SLC9A3: variants seen among roughly 807,000 people sequenced by gnomAD.
SLC9A3 encodes solute carrier family 9 member A3, also known as sodium/hydrogen exchanger 3.
Under a neutral mutation model 86.8 loss-of-function variants are expected in SLC9A3, and 37 were observed. The ratio of observed to expected loss-of-function variants is 0.43; its 90% CI spans 0.33 to 0.56. The LOEUF is 0.56. SLC9A3 is among the 20% of genes least tolerant of loss of function. The pLI, the probability that SLC9A3 is intolerant of heterozygous loss-of-function variation, is 0.06. For missense variants in SLC9A3, 1,011 were observed against 1,171.9 expected (o/e 0.86, Z 2.00); for synonymous variants, 581 against 528.3 (o/e 1.10, Z -1.37).
intron 11 of SLC9A3, chr5:477,048 G>A (rs1235309702): frequency 5.8e-6 from 3 of 513,528 alleles, no homozygotes; most frequent in African/African-American, 3.8e-5. Context: ...AGTAAGGGTG[G>A]CATGGGGACC....
chr5:522,431 G>A (rs1186773753), intron 1 of SLC9A3, among the ~76,000 whole-genome samples: 1 of 152,214 alleles, frequency 6.6e-6, no homozygotes, highest in Admixed American at 6.5e-5. Context: ...CTGTACACTG[G>A]GCTAAACTGG....
rs59745929 is a variant in SLC9A3, at chr5:518,602, A to G, written c.211+5510T>C. On this transcript the variant is annotated intron_variant, in intron 1 of 16. Transcript: ENST00000264938. ...GTGGGACTCAGCCCAGACGCTGGGC[A>G]GATGATGTGCAGGATGGGAACCCCA... 1.1e-3 allele frequency among the ~76,000 whole-genome samples: 173 copies of G among 152,326 alleles called. 1 individual carries two copies. The highest frequency in any genetic ancestry group is 4.1e-3 in the African/African-American group (170 of 41,564).
At chr5:493,685 TG>T (rs1320219869) in intron 1 of SLC9A3, among the ~76,000 whole-genome samples, 11 of 152,250 alleles carry the variant, frequency 7.2e-5, no homozygotes. Flanking sequence ...ACAGCGGCTC[TG>T]CCTGCTGCTC....
Position 491,320 on chromosome 5 carries a change from A to G in SLC9A3, c.514+449T>C, listed in dbSNP as rs1199719784. ...GTGCCCGAGAGATGAAGCATCCAAG[A>G]CCAAAACCGCGCAGCAGTTCTGGCT... On this transcript the variant is annotated intron_variant, in intron 2 of 16. Coordinates refer to ENST00000264938, the MANE Select transcript of SLC9A3 (RefSeq NM_004174.4). The surrounding 1 kb of genome is among the most constrained non-coding windows in gnomAD (Gnocchi z 9.2). 6.6e-6 allele frequency among the ~76,000 whole-genome samples: 1 copy of G among 152,112 alleles called. No homozygotes were observed. The highest frequency in any genetic ancestry group is 1.5e-5 in the Non-Finnish European group (1 of 68,006).
chr5:499,559 G>A (rs1740170428), intron 1 of SLC9A3, among the ~76,000 whole-genome samples: 1 of 152,238 alleles, frequency 6.6e-6, no homozygotes, highest in African/African-American at 2.4e-5. Context: ...TTGGGTTCCA[G>A]GGTCCCTGTG....
intron 1 of SLC9A3, among the ~76,000 whole-genome samples, chr5:494,773 C>T (rs976719295): frequency 6.6e-6 from 1 of 152,168 alleles, no homozygotes; most frequent in Admixed American, 6.5e-5. Flanking sequence ...CTGCTGGCGA[C>T]GAGTGCCTAG....
In SLC9A3 at chr5:482,886, C is replaced by T. The variant is rs386684260; in HGVS notation, c.1154-136G>A. 512 of 683,726 alleles carry T rather than the reference C, an allele frequency of 7.5e-4. 1 individual carries two copies. Among genetic ancestry groups the T allele is most frequent in the Non-Finnish European group, 1.0e-3 (422 of 408,550 alleles). 42.4% of individuals were successfully genotyped at this position (683,726 alleles called of 1,614,324 possible). ...CGGCACCCTAGATACGGCGTCCCCA[C>T]GCCACGTCCCTCGTCACCATCCACC... On this transcript the variant is annotated intron_variant, in intron 6 of 16. Transcript: ENST00000264938.
chr5:501,959 C>A (rs535162007), intron 1 of SLC9A3, among the ~76,000 whole-genome samples: 1 of 152,222 alleles, frequency 6.6e-6, no homozygotes, highest in South Asian at 2.1e-4. Flanking sequence ...GCCCCCGGGC[C>A]GGGAAGCTGC....
At chr5:485,678 G>A (rs1435010919) in intron 3 of SLC9A3, among the ~76,000 whole-genome samples, 2 of 152,244 alleles carry the variant, frequency 1.3e-5, no homozygotes. Context: ...CCACGCCCTG[G>A]GCTCCACGCC....
At chr5:481,724 C>CACGTGGTG in intron 8 of SLC9A3, 89 bp from the exon 9 acceptor site, 12 of 1,100,982 alleles carry the variant, frequency 1.1e-5, no homozygotes, top group South Asian at 2.5e-5. Flanking sequence ...CCCCGAGGAA[C>CACGTGGTG]CCACCAGCCC....
chr5:494,814 C>A (rs1268281666), intron 1 of SLC9A3, among the ~76,000 whole-genome samples: 1 of 152,194 alleles, frequency 6.6e-6, no homozygotes, highest in African/African-American at 2.4e-5. Context: ...GTGATGGTGA[C>A]CCCCTGGAGG....
At chr5:492,805 A>G (rs1739847150) in intron 1 of SLC9A3, among the ~76,000 whole-genome samples, 1 of 152,038 alleles carries the variant, frequency 6.6e-6, no homozygotes, top group Non-Finnish European at 1.5e-5. Flanking sequence ...CTCCCACTTG[A>G]GGCTGGCTGT....
Position 524,295 on chromosome 5 carries a change from C to T in SLC9A3, c.28G>A (p.Asp10Asn), listed in dbSNP as rs1165682837. 2 of 1,294,068 alleles carry T rather than the reference C, an allele frequency of 1.5e-6. No homozygotes were observed. Among genetic ancestry groups the T allele is most frequent in the East Asian group, 3.4e-5 (1 of 29,170 alleles). 80.2% of individuals were successfully genotyped at this position (1,294,068 alleles called of 1,614,324 possible). A position where few individuals can be genotyped will look rare whatever the true frequency, so the allele number is the denominator to read the frequency against. The change falls in exon 1 of 17, where the codon GAC becomes AAC. Residue 10 changes from aspartate (D) to asparagine (N), a missense_variant. By Grantham distance (23) the Asp-to-Asn change is conservative. Transcript: ENST00000264938. MWGLGARGP[D>N]RGLLLALALG... ...GCCAGCGCCAGCAGCAGCCCCCGGT[C>T]GGGGCCCCGGGCCCCGAGTCCCCAC...
intron 9 of SLC9A3, chr5:480,222 TGTCAGGCCTG>T (rs1286539896): frequency 7.0e-6 from 3 of 429,832 alleles, no homozygotes; most frequent in South Asian, 5.1e-5. Flanking sequence ...ACACGGTGGG[TGTCAGGCCTG>T]GTCAGGCAAG....
intron 15 of SLC9A3, 47 bp downstream of exon 15, chr5:475,514 C>G: frequency 9.0e-7 from 1 of 1,111,068 alleles, no homozygotes; most frequent in Non-Finnish European, 1.3e-6. Flanking sequence ...CCTGGGGCGG[C>G]AGGAGCCACC....
At chr5:522,373 C>G (rs1228666104) in intron 1 of SLC9A3, among the ~76,000 whole-genome samples, 1 of 152,238 alleles carries the variant, frequency 6.6e-6, no homozygotes, top group Non-Finnish European at 1.5e-5. Context: ...GCGGGGCTGG[C>G]TGGTGCCTGG....
chr5:513,748 G>A (rs2126653370), intron 1 of SLC9A3, among the ~76,000 whole-genome samples: 1 of 152,334 alleles, frequency 6.6e-6, no homozygotes, highest in East Asian at 1.9e-4. Flanking sequence ...TTCTCCCCCT[G>A]TGATGGTACA....
rs1421652720 is a variant in SLC9A3, at chr5:497,865, C to T, written c.212-5794G>A. On this transcript the variant is annotated intron_variant, in intron 1 of 16. Transcript: ENST00000264938. This position sits in a 1 kb window ranked among gnomAD's most constrained non-coding sequence, Gnocchi z 5.4. ...CCTGTCCCGGGTGGGGTCGCCCGGC[C>T]GCATCCCCAGCCTCTGCCCCTGTCC... Among the ~76,000 whole-genome samples, 1 of 127,390 alleles carries T rather than the reference C, an allele frequency of 7.8e-6. No individual in the cohort carries two copies. Among genetic ancestry groups the T allele is most frequent in the Non-Finnish European group, 1.7e-5 (1 of 59,480 alleles). The allele number at this position is 127,390 out of a possible 152,430, so 83.6% of individuals were successfully genotyped here.
In SLC9A3 at chr5:488,348, C is replaced by T. The variant is rs762181048; in HGVS notation, c.643G>A (p.Gly215Arg). ...ACTGCGTCGTTCAGCAGCGACTCCC[C>T]GAAGACGATGATGAACAGGACCTCG... Reference protein sequence around the residue: ...VNEVLFIIVFGESLLNDAVTV... With the variant: ...VNEVLFIIVFRESLLNDAVTV... Residue 215 changes from glycine to arginine, a missense_variant, in exon 3 of 17, where the codon GGG (glycine) becomes AGG (arginine). Coordinates refer to ENST00000264938, the MANE Select transcript of SLC9A3 (RefSeq NM_004174.4). The T allele has an allele frequency of 1.2e-6, 2 of 1,612,708 alleles. No homozygotes were observed. The highest frequency in any genetic ancestry group is 1.7e-6 in the Non-Finnish European group (2 of 1,179,876).
Sources: gnomAD v4.1 joint callset for allele counts (sites outside exome capture counted in the v4.1 genomes callset) on GRCh38, gnomAD v4.1.1 for gene constraint, Gnocchi (gnomAD v3.1) non-coding constraint, MANE v1.5 for transcripts, NCBI Gene and HGNC (gene_info 2026-07-23, HGNC 2026-07-21) for gene names.